Variants in GPC5 observed in about 807,000 individuals in gnomAD.
The protein encoded by GPC5 is glypican 5, also known as glypican-5.
Under a neutral mutation model 53.9 loss-of-function variants are expected in GPC5, and 47 were observed. The ratio of observed to expected loss-of-function variants is 0.87; its 90% CI spans 0.69 to 1.11. The LOEUF (loss-of-function observed/expected upper bound fraction) is 1.11. GPC5 is among the 50% of genes most tolerant of loss of function. The pLI is 0.00. For synonymous variants in GPC5, 286 were observed against 263.3 expected (o/e 1.09, Z -0.84); for missense variants, 748 against 713.1 (o/e 1.05, Z -0.56).
intron 5 of GPC5, among the ~76,000 whole-genome samples, chr13:91,816,450 C>T (rs946295534): frequency 2.6e-5 from 4 of 151,946 alleles, no homozygotes; most frequent in African/African-American, 9.7e-5. Flanking sequence ...AGTTGGGGTC[C>T]CTCATTGCTG....
At chr13:91,970,439 T>C (rs192900571) in intron 6 of GPC5, among the ~76,000 whole-genome samples, 3,038 of 149,574 alleles carry the variant, frequency 0.02, 112 homozygotes, top group African/African-American at 0.073. Flanking sequence ...TGCCCCCCCC[T>C]CACACATACA....
intron 2 of GPC5, among the ~76,000 whole-genome samples, chr13:91,576,323 A>G (rs990655668): frequency 2.2e-5 from 3 of 133,450 alleles, no homozygotes; most frequent in African/African-American, 1.2e-4. Context: ...CACAATGTGT[A>G]TATATATATA....
intron 5 of GPC5, among the ~76,000 whole-genome samples, chr13:91,764,928 T>A (rs959979053): frequency 6.6e-6 from 1 of 152,244 alleles, no homozygotes; most frequent in African/African-American, 2.4e-5. Flanking sequence ...AGTGCTTTTG[T>A]GTGCTTAAGA....
chr13:92,591,187 T>C (rs926573946), intron 7 of GPC5, among the ~76,000 whole-genome samples: 2 of 152,206 alleles, frequency 1.3e-5, no homozygotes, highest in Admixed American at 1.3e-4. Context: ...ACCATGCTTT[T>C]AGGAAGCTTC....
chr13:92,573,183 C>G (rs182740446), intron 7 of GPC5, among the ~76,000 whole-genome samples: 51 of 152,112 alleles, frequency 3.4e-4, no homozygotes, highest in Admixed American at 2.8e-3. Context: ...TTTTAAAGAT[C>G]GTGGCTACTG....
At chr13:91,814,934 A>G (rs910412420) in intron 5 of GPC5, among the ~76,000 whole-genome samples, 1 of 152,256 alleles carries the variant, frequency 6.6e-6, no homozygotes, top group Admixed American at 6.5e-5. Context: ...TTTCAAGAAC[A>G]GTATAGACAT....
intron 3 of GPC5, among the ~76,000 whole-genome samples, chr13:91,695,117 T>A (rs2035852057): frequency 6.6e-6 from 1 of 152,116 alleles, no homozygotes; most frequent in African/African-American, 2.4e-5. Flanking sequence ...TAGGGTAATG[T>A]GTGGGCTGAA....
intron 5 of GPC5, among the ~76,000 whole-genome samples, chr13:91,769,690 CA>C (rs963986951): frequency 6.6e-6 from 1 of 152,074 alleles, no homozygotes; most frequent in Admixed American, 6.6e-5. Context: ...AGTGTCAGGT[CA>C]AATAAGCCCG....
At chr13:91,411,009 C>T (rs748914415) in intron 1 of GPC5, among the ~76,000 whole-genome samples, 7 of 151,930 alleles carry the variant, frequency 4.6e-5, no homozygotes, top group Non-Finnish European at 1.0e-4. Context: ...CTCGGGAAGC[C>T]GAGGCAGGAG....
chr13:92,434,399 T>A (rs188982842), intron 7 of GPC5, among the ~76,000 whole-genome samples: 1 of 152,280 alleles, frequency 6.6e-6, no homozygotes. Flanking sequence ...AGAATGTTTT[T>A]TTCTTCAGGA....
chr13:91,655,146 C>A (rs1362586940), intron 2 of GPC5, among the ~76,000 whole-genome samples: 1 of 152,038 alleles, frequency 6.6e-6, no homozygotes, highest in Non-Finnish European at 1.5e-5. Context: ...TAGATTATTT[C>A]AGATTGTGTA....
intron 7 of GPC5, among the ~76,000 whole-genome samples, chr13:92,204,871 G>T (rs1399276841): frequency 6.6e-6 from 1 of 151,924 alleles, no homozygotes; most frequent in East Asian, 1.9e-4. Flanking sequence ...TTTGTTTTTT[G>T]GTTTTTGTTT....
intron 2 of GPC5, among the ~76,000 whole-genome samples, chr13:91,580,136 C>T (rs532846076): frequency 3.2e-4 from 48 of 152,236 alleles, no homozygotes; most frequent in Non-Finnish European, 5.6e-4. Context: ...CTGCAAGCTC[C>T]GCCTCCCAGG....
At position 92,416,984 on chromosome 13, in the gene GPC5, C is replaced by T. The variant is rs372727918; in HGVS notation, c.1561+271995C>T. On this transcript the variant is annotated intron_variant, in intron 7 of 7. Transcript: ENST00000377067. Reference sequence around the variant, plus strand: ...CACTTTAACTTATATTTTCAACTTACGATGGTTTATTGGGACATAACCCAT... The same window carrying T: ...CACTTTAACTTATATTTTCAACTTATGATGGTTTATTGGGACATAACCCAT... 9.4e-4 allele frequency among the ~76,000 whole-genome samples: 143 copies of T among 152,268 alleles called. 1 individual carries two copies. Among genetic ancestry groups the T allele is most frequent in the Non-Finnish European group, 1.7e-3 (113 of 68,014 alleles).
intron 7 of GPC5, among the ~76,000 whole-genome samples, chr13:92,329,566 C>T (rs1441047156): frequency 2.0e-5 from 3 of 152,110 alleles, no homozygotes; most frequent in Non-Finnish European, 2.9e-5. Context: ...CCCCTCCAAA[C>T]ACATATCAAG....
chr13:92,291,643 C>T (rs28800355), intron 7 of GPC5, among the ~76,000 whole-genome samples: 30,432 of 152,146 alleles, frequency 0.2, 3,179 homozygotes, highest in South Asian at 0.37. Context: ...AGTGGCAACC[C>T]GCTAGGGTCC....
At chr13:92,371,698 GA>G (rs1044492718) in intron 7 of GPC5, among the ~76,000 whole-genome samples, 2 of 152,190 alleles carry the variant, frequency 1.3e-5, no homozygotes, top group African/African-American at 4.8e-5. Flanking sequence ...AAAACCTTCA[GA>G]TCTGGTGAGA....
intron 2 of GPC5, among the ~76,000 whole-genome samples, chr13:91,667,806 G>A (rs1171217334): frequency 6.6e-6 from 1 of 152,100 alleles, no homozygotes; most frequent in Non-Finnish European, 1.5e-5. Context: ...TCCTGGTGTG[G>A]TCTAAATCTG....
chr13:91,406,173 C>G (rs1172069162), intron 1 of GPC5, among the ~76,000 whole-genome samples: 1 of 152,314 alleles, frequency 6.6e-6, no homozygotes, highest in East Asian at 1.9e-4. Flanking sequence ...TGTGGAGTAT[C>G]TGGTGCATAG....
Sources: allele counts gnomAD v4.1 joint callset (sites outside exome capture counted in the v4.1 genomes callset), GRCh38; gene constraint gnomAD v4.1.1; transcripts MANE v1.5; gene names NCBI Gene and HGNC (gene_info 2026-07-23, HGNC 2026-07-21).